The following SNTG1 variants were observed in gnomAD, a reference collection of about 807,000 sequenced individuals.
SNTG1 encodes the protein syntrophin gamma 1.
Under a neutral mutation model 74.7 loss-of-function variants are expected in SNTG1, and 39 were observed. The observed-to-expected ratio is 0.52, with a 90% CI of 0.40 to 0.68. The LOEUF is 0.68. SNTG1 is among the 30% of genes least tolerant of loss of function. The probability of loss-of-function intolerance (pLI) is 0.00; values close to 1 mark genes in which losing one functional copy is unlikely to be tolerated. For synonymous variants in SNTG1, 254 were observed against 217.1 expected (o/e 1.17, Z -1.49); for missense variants, 685 against 609.5 (o/e 1.12, Z -1.30).
rs1046149723 is a variant in SNTG1, at chr8:50,321,729, T to C, written c.-27-72483T>C. 2.7e-5 allele frequency among the ~76,000 whole-genome samples: 3 copies of C among 111,958 alleles called. No individual in the cohort carries two copies. In the South Asian group the frequency reaches 8.7e-4, roughly 32 times the overall value. The allele number at this position is 111,958 out of a possible 152,430, so 73.4% of individuals were successfully genotyped here. On this transcript the variant is annotated intron_variant, in intron 2 of 18. Transcript: ENST00000642720. ...TTGAGGTTAAAATGAGGCTTGCAAA[T>C]AATATCTTATAACTTATTATTTTAA...
chr8:50,607,053 G>A (rs1477627947), intron 13 of SNTG1, among the ~76,000 whole-genome samples: 5 of 151,736 alleles, frequency 3.3e-5, no homozygotes, highest in Admixed American at 6.6e-5. Flanking sequence ...TGCTTTTAAC[G>A]TCTCTCAAAA....
At chr8:50,716,703 T>C (rs1009389787) in intron 17 of SNTG1, among the ~76,000 whole-genome samples, 41 of 150,202 alleles carry the variant, frequency 2.7e-4, no homozygotes, top group African/African-American at 8.6e-4. Flanking sequence ...TTGTGTAATA[T>C]GAAAAATAAA....
At position 50,759,063 on chromosome 8, in the gene SNTG1, T is replaced by G. The variant is rs977191298; in HGVS notation, c.1395+6952T>G. 3.3e-5 allele frequency among the ~76,000 whole-genome samples: 5 copies of G among 152,162 alleles called. No individual in the cohort carries two copies. In the South Asian group the frequency reaches 1.0e-3, roughly 31 times the overall value. On this transcript the variant is annotated intron_variant, in intron 18 of 18. Coordinates refer to ENST00000642720, the MANE Select transcript of SNTG1 (RefSeq NM_018967.5). Reference sequence around the variant, plus strand: ...TGATTTGCATTTCTCTAATGACCAGTGAAGATGAGCATTTTTTCATGTCTG... The same window carrying G: ...TGATTTGCATTTCTCTAATGACCAGGGAAGATGAGCATTTTTTCATGTCTG...
chr8:50,491,589 G>GC (rs2093854264), intron 8 of SNTG1: 1 of 152,238 alleles, frequency 6.6e-6, no homozygotes, highest in African/African-American at 2.4e-5. Flanking sequence ...GAGTACGTGC[G>GC]CAGCAGGCAA....
At chr8:50,215,956 C>T (rs1221390487) in intron 2 of SNTG1, among the ~76,000 whole-genome samples, 1 of 152,150 alleles carries the variant, frequency 6.6e-6, no homozygotes. Flanking sequence ...AATGTATTAA[C>T]AAATCTATCA....
rs1483697985 is a variant in SNTG1, at chr8:50,671,754, T to C, written c.1038+13091T>C. ...AAAGACACATGCACACGTATGTTTA[T>C]TGCGGCACTATTCACAATAGCAAAG... is the stretch of plus-strand genomic sequence containing the variant. On this transcript the variant is annotated intron_variant, in intron 15 of 18. Transcript: ENST00000642720. 2.0e-5 allele frequency among the ~76,000 whole-genome samples: 3 copies of C among 152,080 alleles called. No homozygotes were observed. In the East Asian group the frequency reaches 5.8e-4, roughly 30 times the overall value.
chr8:50,117,294 T>C (rs1451281084), intron 1 of SNTG1, among the ~76,000 whole-genome samples: 1 of 152,076 alleles, frequency 6.6e-6, no homozygotes, highest in Non-Finnish European at 1.5e-5. Flanking sequence ...AGATGTAATT[T>C]ACTATAATTT....
intron 1 of SNTG1, among the ~76,000 whole-genome samples, chr8:50,105,808 C>T (rs191649366): frequency 3.3e-5 from 5 of 152,110 alleles, no homozygotes; most frequent in Non-Finnish European, 1.5e-5. Flanking sequence ...AGTGAGATCG[C>T]ATTCTGAATT....
At chr8:50,102,731 T>C (rs1004453575) in intron 1 of SNTG1, among the ~76,000 whole-genome samples, 31 of 151,318 alleles carry the variant, frequency 2.0e-4, no homozygotes, top group African/African-American at 2.4e-4. Flanking sequence ...TGAATTAATT[T>C]TTGTATAAGG....
At position 50,030,850 on chromosome 8, in the gene SNTG1, A is replaced by G. The variant is rs141489986; in HGVS notation, c.-103+118619A>G. Reference sequence around the variant, plus strand: ...CATTGCCTGTCCATATATATTTTAGAATAATTCTGATTATATCTACTAAAA... The same window carrying G: ...CATTGCCTGTCCATATATATTTTAGGATAATTCTGATTATATCTACTAAAA... On this transcript the variant is annotated intron_variant, in intron 1 of 18. Transcript: ENST00000642720. 3.5e-3 allele frequency among the ~76,000 whole-genome samples: 538 copies of G among 152,104 alleles called. 3 individuals are homozygous for G. The highest frequency in any genetic ancestry group is 0.012 in the African/African-American group (509 of 41,562).
intron 2 of SNTG1, among the ~76,000 whole-genome samples, chr8:50,302,169 T>C (rs1264863179): frequency 1.3e-5 from 2 of 152,160 alleles, no homozygotes; most frequent in African/African-American, 4.8e-5. Context: ...GACCGGTGTG[T>C]GGATTGGGGA....
chr8:49,913,268 A>G (rs929496692), intron 1 of SNTG1, among the ~76,000 whole-genome samples: 4 of 152,252 alleles, frequency 2.6e-5, no homozygotes, highest in African/African-American at 9.6e-5. Context: ...ATTCATAATC[A>G]ACTCTGTGAA....
At chr8:50,052,396 C>A (rs1345928943) in intron 1 of SNTG1, among the ~76,000 whole-genome samples, 1 of 152,038 alleles carries the variant, frequency 6.6e-6, no homozygotes. Flanking sequence ...AAGTTGGATG[C>A]CTAATTTACA....
intron 2 of SNTG1, among the ~76,000 whole-genome samples, chr8:50,283,861 CTT>C (rs1438767688): frequency 6.6e-6 from 1 of 152,050 alleles, no homozygotes; most frequent in Non-Finnish European, 1.5e-5. Flanking sequence ...TGTGGAAAAA[CTT>C]AAAATATATT....
At chr8:50,729,156 G>C (rs1228414036) in intron 17 of SNTG1, among the ~76,000 whole-genome samples, 1 of 152,146 alleles carries the variant, frequency 6.6e-6, no homozygotes, top group African/African-American at 2.4e-5. Flanking sequence ...TGGACACCTG[G>C]GCTGCCAGCT....
chr8:50,435,457 G>C (rs1359747180), intron 4 of SNTG1, among the ~76,000 whole-genome samples: 3 of 152,084 alleles, frequency 2.0e-5, no homozygotes, highest in Non-Finnish European at 4.4e-5. Flanking sequence ...ATTTGAAATG[G>C]TTCATTTCTT....
chr8:50,412,343 G>T (rs2092960015), intron 4 of SNTG1, among the ~76,000 whole-genome samples: 1 of 152,010 alleles, frequency 6.6e-6, no homozygotes, highest in Non-Finnish European at 1.5e-5. Flanking sequence ...GGGCACTAAA[G>T]GTGACTCCTT....
intron 9 of SNTG1, among the ~76,000 whole-genome samples, chr8:50,514,134 A>G (rs771454027): frequency 6.6e-6 from 1 of 152,036 alleles, no homozygotes; most frequent in African/African-American, 2.4e-5. Flanking sequence ...TTTCGTCAAT[A>G]TTGTTGATCT....
chr8:50,107,330 A>G (rs2080411205), intron 1 of SNTG1, among the ~76,000 whole-genome samples: 1 of 152,162 alleles, frequency 6.6e-6, no homozygotes, highest in Admixed American at 6.6e-5. Flanking sequence ...ACATAGACAG[A>G]TAGATATGTA....
Sources: gnomAD v4.1 joint callset for allele counts (sites outside exome capture counted in the v4.1 genomes callset) on GRCh38, gnomAD v4.1.1 for gene constraint, MANE v1.5 for transcripts, NCBI Gene and HGNC (gene_info 2026-07-23, HGNC 2026-07-21) for gene names.